The following EGFL6 variants were observed in gnomAD, a reference collection of about 807,000 sequenced individuals.
EGFL6 encodes epidermal growth factor-like protein 6.
Under a neutral mutation model 43.1 loss-of-function variants are expected in EGFL6, and 42 were observed. The ratio of observed to expected loss-of-function variants is 0.98; its 90% CI spans 0.76 to 1.26. The LOEUF is 1.26. EGFL6 is among the 50% of genes most tolerant of loss of function. EGFL6 has a pLI of 0.00. For missense variants in EGFL6, 429 were observed against 427.8 expected (o/e 1.00, Z -0.02); for synonymous variants, 164 against 163.2 (o/e 1.01, Z -0.04).
At chrX:13,585,157 CG>C (rs2045527321) in intron 1 of EGFL6, among the ~76,000 whole-genome samples, 1 of 111,790 alleles carries the variant, frequency 8.9e-6, no homozygotes, top group African/African-American at 3.3e-5. Flanking sequence ...GCCAACCTCT[CG>C]GGGCTCATCT....
At chrX:13,610,869 C>T (rs1483599878) in intron 7 of EGFL6, among the ~76,000 whole-genome samples, 1 of 110,986 alleles carries the variant, frequency 9.0e-6, no homozygotes, top group African/African-American at 3.3e-5. Context: ...GTCCACAGTC[C>T]CTTGGAGCTC....
At chrX:13,570,988 C>G (rs974467110) in intron 1 of EGFL6, among the ~76,000 whole-genome samples, 3 of 111,174 alleles carry the variant, frequency 2.7e-5, no homozygotes, top group African/African-American at 9.9e-5. Context: ...ATTGACCTTT[C>G]GGGCTGGGCT....
At chrX:13,581,010 C>T (rs992519355) in intron 1 of EGFL6, among the ~76,000 whole-genome samples, 5 of 111,852 alleles carry the variant, frequency 4.5e-5, no homozygotes, top group South Asian at 3.7e-4. Context: ...CCTTTATCAA[C>T]GTTCCCTTCA....
intron 3 of EGFL6, chrX:13,596,145 C>A (rs1338016610): frequency 8.9e-6 from 1 of 111,975 alleles, no homozygotes; most frequent in Non-Finnish European, 1.9e-5. Flanking sequence ...GGAAGCGTTG[C>A]CAGATAAAAT....
At chrX:13,597,909 G>A (rs1303663479) in intron 3 of EGFL6, among the ~76,000 whole-genome samples, 1 of 112,463 alleles carries the variant, frequency 8.9e-6, no homozygotes, top group Non-Finnish European at 1.9e-5. Flanking sequence ...CAAGAGATTT[G>A]GAATAGAGAC....
chrX:13,612,103 T>G (rs1349760033), intron 7 of EGFL6, among the ~76,000 whole-genome samples: 6 of 110,525 alleles, frequency 5.4e-5, no homozygotes, highest in Non-Finnish European at 1.1e-4. Context: ...AGAGGGGGAT[T>G]TGGCAGGGTC....
chrX:13,606,530 C>G lies in EGFL6; in HGVS notation c.655+17C>G, dbSNP rs777963815. 2 of 1,204,779 alleles carry G rather than the reference C, an allele frequency of 1.7e-6. No individual in the cohort carries two copies. Among genetic ancestry groups the G allele is most frequent in the South Asian group, 3.6e-5 (2 of 55,888 alleles). ...ACTGTATAGGTAAGATTCGATGGCACCTTTTCCTTTTTTTCCTGTCCCCAC... is the reference window on the plus strand; with the variant it reads ...ACTGTATAGGTAAGATTCGATGGCAGCTTTTCCTTTTTTTCCTGTCCCCAC... On this transcript the variant is annotated intron_variant, in intron 6 of 11. Transcript: ENST00000361306.
In EGFL6 at chrX:13,633,035, G is replaced by A; in HGVS notation, c.1602G>A (p.Val534=). The change falls in exon 12 of 12, where the codon GTG becomes GTA. Residue 534 remains valine (V), a synonymous_variant. Coordinates refer to ENST00000361306, the MANE Select transcript of EGFL6 (RefSeq NM_015507.4). ...RGKGKTGEIA[V]DGVLLVSGLC... is the part of the protein sequence containing the mutation. ...AGGGCAAAACCGGCGAAATCGCAGT[G>A]GATGGCGTCTTGCTTGTTTCAGGCT... The A allele has an allele frequency of 5.0e-6, 6 of 1,207,489 alleles. No individual in the cohort carries two copies. The highest frequency in any genetic ancestry group is 6.7e-6 in the Non-Finnish European group (6 of 894,204).
chrX:13,572,386 T>C lies in EGFL6; in HGVS notation c.74+2451T>C, dbSNP rs148371643. On this transcript the variant is annotated intron_variant, in intron 1 of 11. Coordinates refer to ENST00000361306, the MANE Select transcript of EGFL6 (RefSeq NM_015507.4). ...GGTAATGTGGATATACTGCATTAGA[T>C]AAAATTGTTATTAAGATTAATTGCT... is the stretch of plus-strand genomic sequence containing the variant. 4.5e-4 allele frequency among the ~76,000 whole-genome samples: 51 copies of C among 112,805 alleles called. 1 individual carries two copies. In the East Asian group the frequency reaches 0.014, roughly 30 times the overall value.
At chrX:13,628,060 A>G (rs73446919) in intron 11 of EGFL6, among the ~76,000 whole-genome samples, 3,118 of 111,203 alleles carry the variant, frequency 0.028, 112 homozygotes, top group African/African-American at 0.097. Context: ...AGTTGATACC[A>G]TGTGACTCAA....
chrX:13,594,737 A>C, intron 2 of EGFL6, 99 bp from the exon 3 acceptor site: 1 of 680,983 alleles, frequency 1.5e-6, no homozygotes, highest in Non-Finnish European at 2.3e-6. Context: ...GTATGTCCCC[A>C]TGGAGTTCTC....
At chrX:13,629,012 T>C (rs1377073664) in intron 11 of EGFL6, among the ~76,000 whole-genome samples, 2 of 112,846 alleles carry the variant, frequency 1.8e-5, no homozygotes, top group Non-Finnish European at 1.9e-5. Context: ...CATAGTTTAA[T>C]TAAAGCAGAA....
intron 7 of EGFL6, among the ~76,000 whole-genome samples, chrX:13,613,737 G>A (rs1026798810): frequency 1.8e-5 from 2 of 112,132 alleles, no homozygotes; most frequent in Non-Finnish European, 3.8e-5. Context: ...ATAAGTATGT[G>A]CTAGGAGTAG....
chrX:13,594,547 T>G (rs1211175300), intron 2 of EGFL6, among the ~76,000 whole-genome samples: 7 of 112,190 alleles, frequency 6.2e-5, no homozygotes, highest in Admixed American at 1.9e-4. Context: ...GGGAATGACG[T>G]TGGCATTTGC....
At chrX:13,593,311 A>G (rs2045576430) in intron 2 of EGFL6, among the ~76,000 whole-genome samples, 1 of 111,858 alleles carries the variant, frequency 8.9e-6, no homozygotes, top group African/African-American at 3.3e-5. Context: ...TGGCATGATC[A>G]GAGCTATGCT....
intron 3 of EGFL6, among the ~76,000 whole-genome samples, chrX:13,597,555 G>T (rs1395028390): frequency 8.9e-6 from 1 of 111,734 alleles, no homozygotes; most frequent in Non-Finnish European, 1.9e-5. Flanking sequence ...AGGTCGAGGT[G>T]GGTGGATCAC....
At chrX:13,596,027 T>C (rs766671224) in intron 3 of EGFL6, among the ~76,000 whole-genome samples, 2 of 111,701 alleles carry the variant, frequency 1.8e-5, no homozygotes, top group African/African-American at 6.5e-5. Flanking sequence ...CCTTGATATA[T>C]CATAACAGAT....
chrX:13,581,589 T>C (rs2045506358), intron 1 of EGFL6, among the ~76,000 whole-genome samples: 1 of 112,455 alleles, frequency 8.9e-6, no homozygotes, highest in African/African-American at 3.2e-5. Context: ...TCTCAATTTG[T>C]CTTGGAGAAT....
Position 13,570,223 on chromosome X carries a change from C to T in EGFL6, c.74+288C>T, listed in dbSNP as rs2045433173. ...GGAGGAGGGAGGCTCTGCACGCAGA[C>T]CCGTGGGTGCGTGCGGGCTTGATGG... On this transcript the variant is annotated intron_variant, in intron 1 of 11. Transcript: ENST00000361306. Among the ~76,000 whole-genome samples the T allele has an allele frequency of 2.7e-5, 3 of 110,953 alleles. No individual in the cohort carries two copies. The South Asian group carries it at 1.2e-3, about 44-fold the overall frequency.
Sources: allele counts gnomAD v4.1 joint callset (sites outside exome capture counted in the v4.1 genomes callset), GRCh38; gene constraint gnomAD v4.1.1; transcripts MANE v1.5; gene names NCBI Gene and HGNC (gene_info 2026-07-23, HGNC 2026-07-21).